Variants in IL15 observed in about 807,000 individuals in gnomAD.
The protein encoded by IL15 is interleukin-15.
IL15 carries 11 observed loss-of-function variants against 19.6 expected under a neutral mutation model. The observed-to-expected ratio is 0.56, with a 90% CI of 0.35 to 0.93. IL15 has a LOEUF of 0.93. IL15 is among the 40% of genes least tolerant of loss of function. The pLI, the probability that IL15 is intolerant of heterozygous loss-of-function variation, is 0.01. For synonymous variants in IL15, 58 were observed against 59.6 expected, an observed-to-expected ratio of 0.97 and a Z score of 0.12; for missense variants, 197 against 186.5, an observed-to-expected ratio of 1.06 and a Z score of -0.33.
At chr4:141,701,782 G>A (rs747086407) in intron 2 of IL15, among the ~76,000 whole-genome samples, 28 of 152,156 alleles carry the variant, frequency 1.8e-4, no homozygotes, top group Non-Finnish European at 4.0e-4. Context: ...TCCCCTGCCA[G>A]GCCAACAGAA....
chr4:141,698,649 G>A (rs56305248), intron 2 of IL15, among the ~76,000 whole-genome samples: 16,890 of 151,896 alleles, frequency 0.11, 1,018 homozygotes, highest in Non-Finnish European at 0.14. Context: ...AGCCCTGAAT[G>A]ATCTTTTGTA....
intron 1 of IL15, among the ~76,000 whole-genome samples, chr4:141,647,143 A>G (rs1473705869): frequency 6.6e-6 from 1 of 152,044 alleles, no homozygotes; most frequent in Non-Finnish European, 1.5e-5. Context: ...AGTGCCTAAT[A>G]TGGGCTGGGG....
At chr4:141,653,489 G>A (rs562297856) in intron 1 of IL15, among the ~76,000 whole-genome samples, 1 of 152,218 alleles carries the variant, frequency 6.6e-6, no homozygotes, top group East Asian at 1.9e-4. Context: ...ATTTTCTAGT[G>A]TATGTCCTTG....
intron 2 of IL15, chr4:141,715,162 A>G (rs1729839832): frequency 6.6e-6 from 1 of 152,178 alleles, no homozygotes; most frequent in South Asian, 2.1e-4. Flanking sequence ...TCTGGAAATT[A>G]TATTAGTCCT....
At chr4:141,654,954 A>G (rs1041363930) in intron 1 of IL15, among the ~76,000 whole-genome samples, 23 of 152,212 alleles carry the variant, frequency 1.5e-4, no homozygotes, top group African/African-American at 5.1e-4. Flanking sequence ...AGAGAGGAGC[A>G]TAACTGGCTT....
chr4:141,730,036 T>C (rs1730400546), intron 7 of IL15, 52 bp downstream of exon 7: 4 of 1,433,714 alleles, frequency 2.8e-6, no homozygotes, highest in Non-Finnish European at 2.9e-6. Flanking sequence ...TGGGCCTGAT[T>C]TGGAGAAGTC....
chr4:141,639,049 A>G (rs1560896401), intron 1 of IL15, among the ~76,000 whole-genome samples: 1 of 152,184 alleles, frequency 6.6e-6, no homozygotes. Context: ...AATAACTAAC[A>G]TTGTTGAGTT....
At chr4:141,683,957 A>G (rs1728625940) in intron 2 of IL15, among the ~76,000 whole-genome samples, 1 of 152,226 alleles carries the variant, frequency 6.6e-6, no homozygotes, top group Non-Finnish European at 1.5e-5. Context: ...GACAGGCTGA[A>G]ATGTAGACAC....
chr4:141,666,609 G>T (rs1727994792), intron 2 of IL15, among the ~76,000 whole-genome samples: 1 of 151,894 alleles, frequency 6.6e-6, no homozygotes, highest in South Asian at 2.1e-4. Context: ...CTCCCAAAGT[G>T]CTGGGATTAC....
At chr4:141,717,897 G>A (rs1729941635) in intron 2 of IL15, 1 of 152,224 alleles carries the variant, frequency 6.6e-6, no homozygotes, top group African/African-American at 2.4e-5. Flanking sequence ...CCGACATCAG[G>A]TGATCCTCCT....
intron 1 of IL15, 90 bp from the exon 2 acceptor site, chr4:141,656,096 C>G: frequency 2.5e-6 from 1 of 395,858 alleles, no homozygotes; most frequent in Non-Finnish European, 4.5e-6. Context: ...ATAGCATGAT[C>G]AGGTATGTAG....
At chr4:141,727,250 A>G (rs1290795615) in intron 5 of IL15, among the ~76,000 whole-genome samples, 1 of 152,158 alleles carries the variant, frequency 6.6e-6, no homozygotes, top group Non-Finnish European at 1.5e-5. Context: ...CACTAATGCA[A>G]GATATTAACA....
chr4:141,733,141 G>C lies in IL15; in HGVS notation c.*293G>C. The C allele has an allele frequency of 4.0e-6, 1 of 249,422 alleles. No individual in the cohort carries two copies. Among genetic ancestry groups the C allele is most frequent in the East Asian group, 1.2e-4 (1 of 8,166 alleles). The allele number at this position is 249,422 out of a possible 1,614,324, so 15.5% of individuals were successfully genotyped here. On this transcript the variant is annotated 3_prime_UTR_variant, in exon 8 of 8. Coordinates refer to ENST00000320650, the MANE Select transcript of IL15 (RefSeq NM_000585.5). ...AAATGTTGAATAAAAATATGTACAA[G>C]TGTTGTTTTTTAAGTTGCACTGATA... is the stretch of plus-strand genomic sequence containing the variant.
At chr4:141,698,084 A>T (rs1729161057) in intron 2 of IL15, among the ~76,000 whole-genome samples, 1 of 152,036 alleles carries the variant, frequency 6.6e-6, no homozygotes, top group Non-Finnish European at 1.5e-5. Context: ...TTCTGTGTCT[A>T]TTGAGATGAT....
At chr4:141,719,634 T>G (rs1055268564) in intron 3 of IL15, among the ~76,000 whole-genome samples, 158 bp downstream of exon 3, 9 of 152,164 alleles carry the variant, frequency 5.9e-5, no homozygotes, top group African/African-American at 2.2e-4. Context: ...TGAAAATAAA[T>G]AGGTTTTTAA....
chr4:141,706,393 A>C (rs1729515351), intron 2 of IL15, among the ~76,000 whole-genome samples: 1 of 152,014 alleles, frequency 6.6e-6, no homozygotes, highest in Non-Finnish European at 1.5e-5. Context: ...CCCATTATGT[A>C]GCTGTTGTAA....
intron 7 of IL15, among the ~76,000 whole-genome samples, chr4:141,732,494 CGTGGTCTGATAG>C (rs1730482549): frequency 6.6e-6 from 1 of 152,178 alleles, no homozygotes; most frequent in Non-Finnish European, 1.5e-5. Context: ...GCAGGAACTC[CGTGGTCTGATAG>C]ACACAGCTTA....
intron 2 of IL15, among the ~76,000 whole-genome samples, chr4:141,698,921 G>A (rs60832939): frequency 3.3e-5 from 5 of 151,726 alleles, no homozygotes; most frequent in Non-Finnish European, 7.4e-5. Flanking sequence ...TGTGATATTA[G>A]GTTGTTTATT....
chr4:141,648,341 G>A (rs1727297054), intron 1 of IL15, among the ~76,000 whole-genome samples: 1 of 151,782 alleles, frequency 6.6e-6, no homozygotes, highest in African/African-American at 2.4e-5. Flanking sequence ...ATTATAGAGG[G>A]GATAATTTTA....
Sources: gnomAD v4.1 joint callset for allele counts (sites outside exome capture counted in the v4.1 genomes callset) on GRCh38, gnomAD v4.1.1 for gene constraint, MANE v1.5 for transcripts, NCBI Gene and HGNC (gene_info 2026-07-23, HGNC 2026-07-21) for gene names.